AKAP13: variants seen among roughly 807,000 people sequenced by gnomAD.
AKAP13 encodes the protein A-kinase anchor protein 13.
Under a neutral mutation model 264.5 loss-of-function variants are expected in AKAP13, and 80 were observed. The observed-to-expected ratio is 0.30, with a 90% CI of 0.25 to 0.36. AKAP13 has a LOEUF of 0.36. Ranked by LOEUF, AKAP13 falls within the 10% of genes least tolerant of loss-of-function variation. AKAP13 has a pLI of 1.00. For missense variants in AKAP13, 3,712 were observed against 3,435.2 expected, an observed-to-expected ratio of 1.08 and a Z score of -2.01; for synonymous variants, 1,380 against 1,250.2, an observed-to-expected ratio of 1.10 and a Z score of -2.19.
chr15:85,602,801 A>G (rs555460210), intron 8 of AKAP13, among the ~76,000 whole-genome samples: 46 of 152,318 alleles, frequency 3.0e-4, no homozygotes, highest in African/African-American at 8.7e-4. Context: ...CATACTTTCA[A>G]TGAATCTTTT....
Position 85,579,164 on chromosome 15 carries a change from G to A in AKAP13, c.1096G>A (p.Asp366Asn), listed in dbSNP as rs1318996890. 2 of 1,614,148 alleles carry A rather than the reference G, an allele frequency of 1.2e-6. No homozygotes were observed. The highest frequency in any genetic ancestry group is 1.7e-6 in the Non-Finnish European group (2 of 1,180,026). The change falls in exon 7 of 37, where the codon GAC becomes AAC. Residue 366 changes from aspartate to asparagine, a missense_variant. By Grantham distance (23) the Asp-to-Asn change is conservative. This residue lies in a region of AKAP13 where 2,759 missense variants were observed against 2,411.7 expected (regional missense o/e 1.14). Transcript: ENST00000394518. ...LSSIVEEENT[D>N]RSCRKKNKGV... is the part of the protein sequence containing the mutation. Reference sequence around the variant, plus strand: ...AAGCATAGTTGAGGAGGAGAATACAGACCGTTCCTGTAGGAAGAAAAATAA... The same window carrying A: ...AAGCATAGTTGAGGAGGAGAATACAAACCGTTCCTGTAGGAAGAAAAATAA...
At chr15:85,604,157 T>A (rs2080212997) in intron 8 of AKAP13, among the ~76,000 whole-genome samples, 1 of 152,314 alleles carries the variant, frequency 6.6e-6, no homozygotes, top group East Asian at 1.9e-4. Context: ...CATTTATTAT[T>A]TTCTCTCCTT....
chr15:85,717,694 T>G (rs1251175754), intron 21 of AKAP13, among the ~76,000 whole-genome samples: 3 of 152,256 alleles, frequency 2.0e-5, no homozygotes, highest in Admixed American at 6.5e-5. Context: ...ACAGAGCAAT[T>G]GTAAGCCTGC....
At chr15:85,397,431 A>C (rs190632979) in intron 1 of AKAP13, among the ~76,000 whole-genome samples, 1 of 152,302 alleles carries the variant, frequency 6.6e-6, no homozygotes, top group East Asian at 1.9e-4. Flanking sequence ...TCCCGAGCTC[A>C]AATAAAGGTA....
Position 85,744,636 on chromosome 15 carries a change from G to C in AKAP13, c.8401G>C (p.Ala2801Pro), listed in dbSNP as rs2614668. Residue 2801 changes from alanine to proline, a missense_variant, in exon 37 of 37, where the codon GCG (alanine) becomes CCG (proline). Coordinates refer to ENST00000394518, the MANE Select transcript of AKAP13 (RefSeq NM_007200.5). ...TSRSQPGDGP[A>P]SEVSAEGEEI... ...GGTTTTCACATTTCCAGATGGTCCC[G>C]CGTCAGAAGTATCAGCAGAGGGTGA... 1 of 1,613,070 alleles carries C rather than the reference G, an allele frequency of 6.2e-7. No individual in the cohort carries two copies. Among genetic ancestry groups the C allele is most frequent in the Admixed American group, 1.7e-5 (1 of 59,948 alleles).
chr15:85,544,217 A>G (rs1012308034), intron 5 of AKAP13: 4 of 581,470 alleles, frequency 6.9e-6, no homozygotes, highest in South Asian at 1.5e-5. Flanking sequence ...ATATTTTACT[A>G]TTTTACTCAA....
intron 33 of AKAP13, among the ~76,000 whole-genome samples, chr15:85,738,807 C>T (rs1021832208): frequency 2.1e-5 from 3 of 145,730 alleles, no homozygotes; most frequent in Middle Eastern, 3.4e-3. Context: ...CACTGCAGTC[C>T]GCAGTCCGGC....
rs574138603 is a variant in AKAP13, at chr15:85,447,553, T to A, written c.-11-38157T>A. Reference sequence around the variant, plus strand: ...ACCCCCAAATAGACCCCAGTGTCTGTTGTTTCCTTCTTTGTGTTAGTAAGT... The same window carrying A: ...ACCCCCAAATAGACCCCAGTGTCTGATGTTTCCTTCTTTGTGTTAGTAAGT... On this transcript the variant is annotated intron_variant, in intron 1 of 36. Transcript: ENST00000394518. 4.9e-4 allele frequency among the ~76,000 whole-genome samples: 74 copies of A among 151,436 alleles called. No homozygotes were observed. In the East Asian group the frequency reaches 0.013, roughly 27 times the overall value.
In AKAP13 at chr15:85,576,174, A is replaced by G. The variant is rs560126654; in HGVS notation, c.861+845A>G. On this transcript the variant is annotated intron_variant, in intron 6 of 36. Coordinates refer to ENST00000394518, the MANE Select transcript of AKAP13 (RefSeq NM_007200.5). ...CATTTCAGGTACAGAAATATGCAAC[A>G]ACTAGAACTAAATTTCTGGCATAAA... 3.1e-3 allele frequency among the ~76,000 whole-genome samples: 471 copies of G among 152,304 alleles called. 3 individuals carry two copies. Among genetic ancestry groups the G allele is most frequent in the Non-Finnish European group, 4.7e-3 (320 of 68,030 alleles).
At chr15:85,635,263 A>G (rs1245773905) in intron 8 of AKAP13, among the ~76,000 whole-genome samples, 2 of 152,166 alleles carry the variant, frequency 1.3e-5, no homozygotes, top group Middle Eastern at 3.2e-3. Flanking sequence ...CTTGTAATGG[A>G]TGTCTGCTGC....
At chr15:85,556,307 G>A (rs969447540) in intron 5 of AKAP13, among the ~76,000 whole-genome samples, 2 of 152,100 alleles carry the variant, frequency 1.3e-5, no homozygotes, top group Admixed American at 6.6e-5. Context: ...TATATGACTG[G>A]CAGCACAGTA....
intron 8 of AKAP13, among the ~76,000 whole-genome samples, chr15:85,589,593 T>TAA (rs71468122): frequency 1.6e-5 from 2 of 122,468 alleles, no homozygotes; most frequent in East Asian, 2.4e-4. Context: ...TTGTCTCCAC[T>TAA]AAAAAAAAAA....
At chr15:85,583,542 A>G (rs538015819) in intron 7 of AKAP13, among the ~76,000 whole-genome samples, 66 of 152,290 alleles carry the variant, frequency 4.3e-4, no homozygotes, top group African/African-American at 1.5e-3. Flanking sequence ...CAACAAGTCT[A>G]TTTTGGGGGC....
chr15:85,743,683 C>G lies in AKAP13; in HGVS notation c.8250C>G (p.Thr2750=). 1 of 1,614,172 alleles carries G rather than the reference C, an allele frequency of 6.2e-7. No individual in the cohort carries two copies. The highest frequency in any genetic ancestry group is 8.5e-7 in the Non-Finnish European group (1 of 1,180,036). ...GGCCTTTTCACATACTGAGTTCAAC[C>G]AGCCAGACAAACAAAGGACCAGAAG... is the stretch of plus-strand genomic sequence containing the variant. ...DKGPFHILSS[T]SQTNKGPEGQ... Residue 2750 remains threonine, a synonymous_variant, in exon 36 of 37, where the codon ACC becomes ACG. Coordinates refer to ENST00000394518, the MANE Select transcript of AKAP13 (RefSeq NM_007200.5).
chr15:85,575,537 C>CA (rs2078976373), intron 6 of AKAP13, among the ~76,000 whole-genome samples: 1 of 152,072 alleles, frequency 6.6e-6, no homozygotes, highest in Non-Finnish European at 1.5e-5. Flanking sequence ...ACTAAAAATA[C>CA]AAAAAATTGG....
At chr15:85,726,989 T>TA (rs2087658141) in intron 27 of AKAP13, 77 bp from the exon 28 acceptor site, 1 of 1,531,922 alleles carries the variant, frequency 6.5e-7, no homozygotes, top group African/African-American at 1.4e-5. Flanking sequence ...CATCTGGTCT[T>TA]ACCTTAGATT....
chr15:85,494,256 G>T (rs1156345299), intron 2 of AKAP13, among the ~76,000 whole-genome samples: 1 of 152,104 alleles, frequency 6.6e-6, no homozygotes, highest in African/African-American at 2.4e-5. Context: ...CTAGACTCCA[G>T]AAACAGTAAA....
At chr15:85,420,974 A>G (rs1163211805) in intron 1 of AKAP13, among the ~76,000 whole-genome samples, 3 of 152,174 alleles carry the variant, frequency 2.0e-5, no homozygotes, top group Non-Finnish European at 2.9e-5. Flanking sequence ...TCCTAGTTAT[A>G]GATTAGGACA....
chr15:85,733,358 G>T (rs1018444674), intron 30 of AKAP13, among the ~76,000 whole-genome samples: 9 of 151,988 alleles, frequency 5.9e-5, no homozygotes, highest in Admixed American at 1.3e-4. Flanking sequence ...TTTTCCCCAT[G>T]TAAGTAACAT....
Sources: gnomAD v4.1 joint callset for allele counts (sites outside exome capture counted in the v4.1 genomes callset) on GRCh38, gnomAD v4.1.1 for gene constraint, gnomAD v4.1.1 regional missense constraint, MANE v1.5 for transcripts, NCBI Gene and HGNC (gene_info 2026-07-23, HGNC 2026-07-21) for gene names.